The following ARPP21 variants were observed in gnomAD, a reference collection of about 807,000 sequenced individuals.
The protein encoded by ARPP21 is cAMP-regulated phosphoprotein 21.
ARPP21 carries 69 observed loss-of-function variants against 113.2 expected under a neutral mutation model. The ratio of observed to expected loss-of-function variants is 0.61; its 90% CI spans 0.50 to 0.74. The LOEUF (loss-of-function observed/expected upper bound fraction) is 0.74. ARPP21 is among the 30% of genes least tolerant of loss of function. The pLI, the probability that ARPP21 is intolerant of heterozygous loss-of-function variation, is 0.00. For synonymous variants in ARPP21, 368 were observed against 375.5 expected (o/e 0.98, Z 0.23); for missense variants, 1,070 against 1,037.4 (o/e 1.03, Z -0.43).
intron 17 of ARPP21, 99 bp downstream of exon 17, chr3:35,738,417 C>T: frequency 1.1e-6 from 1 of 915,780 alleles, no homozygotes; most frequent in Non-Finnish European, 1.7e-6. Context: ...GGGTGGGTGC[C>T]CTGGGCTGAC....
intron 19 of ARPP21, among the ~76,000 whole-genome samples, chr3:35,761,678 T>C (rs2095784302): frequency 6.6e-6 from 1 of 152,110 alleles, no homozygotes; most frequent in Non-Finnish European, 1.5e-5. Flanking sequence ...GATTATTCAA[T>C]GGTGAAAAGT....
intron 9 of ARPP21, among the ~76,000 whole-genome samples, chr3:35,698,850 G>A (rs2149797703): frequency 6.6e-6 from 1 of 151,630 alleles, no homozygotes; most frequent in Middle Eastern, 3.4e-3. Flanking sequence ...TAAGTTAGAT[G>A]GTAAAAATAT....
intron 19 of ARPP21, among the ~76,000 whole-genome samples, chr3:35,753,111 A>G (rs1371090799): frequency 6.6e-6 from 1 of 150,906 alleles, no homozygotes; most frequent in South Asian, 2.1e-4. Context: ...TATTCATTTT[A>G]GCCAGATCTC....
At chr3:35,771,068 A>G (rs556026915) in intron 19 of ARPP21, among the ~76,000 whole-genome samples, 9 of 152,332 alleles carry the variant, frequency 5.9e-5, no homozygotes, top group African/African-American at 2.2e-4. Context: ...GCTCAAAGCT[A>G]CAGAGCTCAT....
rs148869925 is a variant in ARPP21, at chr3:35,735,836, A to G, written c.1460-1342A>G. 2.3e-3 allele frequency among the ~76,000 whole-genome samples: 346 copies of G among 152,366 alleles called. 1 individual carries two copies. Among genetic ancestry groups the G allele is most frequent in the Middle Eastern group, 0.01 (3 of 294 alleles). On this transcript the variant is annotated intron_variant, in intron 15 of 20. Coordinates refer to ENST00000684406, the MANE Select transcript of ARPP21 (RefSeq NM_001385562.1). ...GAAGAAAAGACTCACAAGTAGTTCA[A>G]TGAACAGTTTGCCTATCCATTCCCT... is the stretch of plus-strand genomic sequence containing the variant.
At chr3:35,707,344 T>C (rs2089519742) in intron 10 of ARPP21, 3 of 619,622 alleles carry the variant, frequency 4.8e-6, no homozygotes, top group Non-Finnish European at 3.0e-6. Flanking sequence ...TTCCGCTGCA[T>C]GTCTGGGAGG....
At chr3:35,669,767 T>C (rs2075862251) in intron 1 of ARPP21, among the ~76,000 whole-genome samples, 1 of 152,180 alleles carries the variant, frequency 6.6e-6, no homozygotes, top group African/African-American at 2.4e-5. Context: ...AAGTACACTT[T>C]AAGACTATTT....
intron 19 of ARPP21, among the ~76,000 whole-genome samples, chr3:35,746,436 A>G (rs1015518019): frequency 6.6e-6 from 1 of 152,200 alleles, no homozygotes; most frequent in Non-Finnish European, 1.5e-5. Context: ...CTCATAGAGG[A>G]AAGAGCCTCT....
chr3:35,676,966 C>G (rs2077651172), intron 1 of ARPP21, among the ~76,000 whole-genome samples: 2 of 151,880 alleles, frequency 1.3e-5, no homozygotes, highest in African/African-American at 2.4e-5. Flanking sequence ...TTTTCATTTA[C>G]AGAACCATGC....
At chr3:35,687,961 G>A in intron 6 of ARPP21, 78 bp downstream of exon 6, 1 of 1,355,352 alleles carries the variant, frequency 7.4e-7, no homozygotes, top group Non-Finnish European at 1.0e-6. Context: ...GATTTCACAT[G>A]CATATTCACC....
chr3:35,738,257 C>A lies in ARPP21; in HGVS notation c.1688C>A (p.Pro563Gln), dbSNP rs1274105958. The change falls in exon 17 of 21, where the codon CCA becomes CAA. Residue 563 changes from proline (P) to glutamine (Q), a missense_variant. Coordinates refer to ENST00000684406, the MANE Select transcript of ARPP21 (RefSeq NM_001385562.1). ...LQASSQSVQYPAVSFPPQHLL... is the reference protein window; with the variant it reads ...LQASSQSVQYQAVSFPPQHLL... ...GCTTCCTCCCAGTCAGTGCAATATC[C>A]AGCAGTCTCTTTTCCTCCCCAGCAC... The A allele has an allele frequency of 3.8e-5, 58 of 1,536,238 alleles. No homozygotes were observed. The highest frequency in any genetic ancestry group is 5.0e-5 in the Non-Finnish European group (57 of 1,146,872).
chr3:35,742,874 T>C (rs943624327), intron 18 of ARPP21, among the ~76,000 whole-genome samples: 22 of 152,108 alleles, frequency 1.4e-4, no homozygotes, highest in African/African-American at 4.1e-4. Flanking sequence ...AGCCCAGAGA[T>C]AGAAAATAAT....
chr3:35,769,561 T>C (rs1390015422), intron 19 of ARPP21, among the ~76,000 whole-genome samples: 1 of 152,210 alleles, frequency 6.6e-6, no homozygotes, highest in Non-Finnish European at 1.5e-5. Context: ...TTAAAAATTA[T>C]TTAATGGTCC....
intron 19 of ARPP21, among the ~76,000 whole-genome samples, chr3:35,786,526 CA>C (rs746207971): frequency 0.033 from 2,920 of 87,566 alleles, 36 homozygotes; most frequent in South Asian, 0.073. Context: ...GATTTCATCT[CA>C]AAAAAAAAAA....
At chr3:35,718,698 T>G (rs762109944) in intron 13 of ARPP21, among the ~76,000 whole-genome samples, 12 of 152,026 alleles carry the variant, frequency 7.9e-5, no homozygotes, top group Non-Finnish European at 1.3e-4. Context: ...CCCTAGCCCG[T>G]GCAAAAAAGA....
intron 19 of ARPP21, among the ~76,000 whole-genome samples, chr3:35,744,262 C>A (rs2094868790): frequency 6.6e-6 from 1 of 152,180 alleles, no homozygotes; most frequent in Non-Finnish European, 1.5e-5. Context: ...CTAGTTCATA[C>A]CTTCTTTTAA....
At chr3:35,660,060 A>G (rs1466214887) in intron 1 of ARPP21, among the ~76,000 whole-genome samples, 1 of 152,198 alleles carries the variant, frequency 6.6e-6, no homozygotes, top group East Asian at 1.9e-4. Flanking sequence ...TCTAGCCCTG[A>G]CAAGCCTTCC....
intron 13 of ARPP21, among the ~76,000 whole-genome samples, chr3:35,718,597 C>T (rs565891223): frequency 2.0e-5 from 3 of 152,146 alleles, no homozygotes; most frequent in African/African-American, 7.2e-5. Flanking sequence ...ATTTCATCAC[C>T]CACCCAAATA....
At chr3:35,643,395 TTTTG>T (rs1159794083) in intron 1 of ARPP21, among the ~76,000 whole-genome samples, 2 of 152,060 alleles carry the variant, frequency 1.3e-5, no homozygotes, top group Non-Finnish European at 2.9e-5. Context: ...TACTGTGATT[TTTTG>T]TTTGTTTGTC....
Sources: allele counts gnomAD v4.1 joint callset (sites outside exome capture counted in the v4.1 genomes callset), GRCh38; gene constraint gnomAD v4.1.1; transcripts MANE v1.5; gene names NCBI Gene and HGNC (gene_info 2026-07-23, HGNC 2026-07-21).